Variants in TBX1 observed in about 807,000 individuals in gnomAD.
TBX1 encodes T-box transcription factor 1.
A neutral mutation model predicts 40.8 loss-of-function variants in TBX1; 16 were observed. The observed-to-expected ratio is 0.39, with a 90% CI of 0.27 to 0.60. The LOEUF (loss-of-function observed/expected upper bound fraction) is 0.60. Ranked by LOEUF, TBX1 falls within the 20% of genes least tolerant of loss-of-function variation. The pLI is 0.51. For missense variants in TBX1, 755 were observed against 728.5 expected (o/e 1.04, Z -0.42); for synonymous variants, 403 against 336.8 (o/e 1.20, Z -2.15).
downstream of TBX1, among the ~76,000 whole-genome samples, chr22:19,781,326 C>T (rs570232738): frequency 2.6e-5 from 4 of 152,230 alleles, 1 homozygote; most frequent in South Asian, 8.3e-4. Context: ...AAGTGATCCT[C>T]TTGCCTCAGC....
chr22:19,760,716 C>T (rs1443755576), upstream of TBX1, among the ~76,000 whole-genome samples: 1 of 126,206 alleles, frequency 7.9e-6, no homozygotes, highest in Non-Finnish European at 1.7e-5. Flanking sequence ...GGGGCGCCTC[C>T]TCGGGGCCGG....
intron 1 of TBX1, among the ~76,000 whole-genome samples, chr22:19,762,826 C>T (rs1351536876): frequency 6.6e-6 from 1 of 152,176 alleles, no homozygotes; most frequent in African/African-American, 2.4e-5. Context: ...CCCGGTTTCA[C>T]TTTGTTGGAG....
At position 19,766,456 on chromosome 22, in the gene TBX1, G is replaced by A. The variant is rs1251126284; in HGVS notation, c.1104G>A (p.Ala368=). The part of the protein sequence containing the change: ...AGGPAVLGDP[A]HPPQLLARVL... ...GGCCAGCAGTGCTCGGGGACCCGGC[G>A]CATCCTCCGCAGCTGCTGGCCCGGG... Residue 368 remains alanine (A), a synonymous_variant, in exon 7 of 7, where the codon GCG becomes GCA. Transcript: ENST00000649276. 7.5e-7 allele frequency: 1 copy of A among 1,329,252 alleles called. No homozygotes were observed. Among genetic ancestry groups the A allele is most frequent in the South Asian group, 1.8e-5 (1 of 56,378 alleles). 82.3% of individuals were successfully genotyped at this position (1,329,252 alleles called of 1,614,324 possible).
At position 19,762,949 on chromosome 22, in the gene TBX1, G is replaced by A. The variant is rs185249944; in HGVS notation, c.438-292G>A. Among the ~76,000 whole-genome samples, 6 of 152,316 alleles carry A rather than the reference G, an allele frequency of 3.9e-5. No homozygotes were observed. The East Asian group carries it at 5.8e-4, about 15-fold the overall frequency. ...CCAAAAAGTCAGCAAGGGCGAGGCC[G>A]AGTTTATGTAGGCCAAGGTTGCCGA... On this transcript the variant is annotated intron_variant, in intron 1 of 6. Transcript: ENST00000649276.
downstream of TBX1, among the ~76,000 whole-genome samples, chr22:19,767,575 C>G (rs370964514): frequency 6.6e-6 from 1 of 152,234 alleles, no homozygotes; most frequent in Non-Finnish European, 1.5e-5. Context: ...TGCACTCCCC[C>G]CACCTTCCCA....
downstream of TBX1, chr22:19,783,357 T>C (rs1271899414): frequency 2.7e-6 from 1 of 364,706 alleles, no homozygotes; most frequent in African/African-American, 2.1e-5. Flanking sequence ...ATGCAAGAGG[T>C]GGCAGGGGAC....
chr22:19,757,581 C>T (rs1033376686), upstream of TBX1, among the ~76,000 whole-genome samples: 1 of 152,220 alleles, frequency 6.6e-6, no homozygotes, highest in East Asian at 1.9e-4. Context: ...ATGCCCCCAC[C>T]GACTGGCCCA....
intron 8 of TBX1, among the ~76,000 whole-genome samples, chr22:19,778,973 G>A (rs1023676798): frequency 1.3e-5 from 2 of 152,138 alleles, no homozygotes; most frequent in African/African-American, 4.8e-5. Flanking sequence ...CTGATCCGAC[G>A]TCTTTCCTTG....
exon 9 of TBX1, chr22:19,779,511 A>T (rs2145852064): frequency 1.3e-6 from 2 of 1,564,118 alleles, no homozygotes; most frequent in Non-Finnish European, 1.7e-6. Context: ...TGTTCAGTAA[A>T]TTCCAATATG....
chr22:19,759,826 C>T (rs952991678), upstream of TBX1: 97 of 1,000,202 alleles, frequency 9.7e-5, no homozygotes, highest in Non-Finnish European at 1.0e-4. Flanking sequence ...AGAGGAAGAG[C>T]CGGCATCCCG....
In TBX1 at chr22:19,761,288, C is replaced by A; in HGVS notation, c.437+8C>A. ...CGTCACCAAGGCCGGCAGGTCAGGG[C>A]GCCCCTCCCCACGCCGCGACCCTCC... On this transcript the variant is annotated splice_region_variant and intron_variant, in intron 1 of 6. Transcript: ENST00000649276. 6.5e-7 allele frequency: 1 copy of A among 1,541,542 alleles called. No individual in the cohort carries two copies. Among genetic ancestry groups the A allele is most frequent in the South Asian group, 1.2e-5 (1 of 86,438 alleles).
At chr22:19,761,362 G>C in intron 1 of TBX1, 82 bp downstream of exon 1, 1 of 1,380,750 alleles carries the variant, frequency 7.2e-7, no homozygotes, top group Non-Finnish European at 9.5e-7. Context: ...CCGCGCGAGC[G>C]GGGCCGAAAG....
At chr22:19,772,070 C>T (rs894667685), downstream of TBX1, among the ~76,000 whole-genome samples, 1 of 152,228 alleles carries the variant, frequency 6.6e-6, no homozygotes, top group African/African-American at 2.4e-5. Context: ...CTCTTCATTC[C>T]TCTGTCATTC....
At position 19,766,879 on chromosome 22, in the gene TBX1, T is replaced by C. The variant is rs1936878827; in HGVS notation, c.*12T>C. ...ATTGCCCCAGATAACACGGGCCCTG[T>C]CGCGCTCCCGCCCCGGTCCTGCACA... On this transcript the variant is annotated 3_prime_UTR_variant, in exon 7 of 7. Coordinates refer to ENST00000649276, the MANE Select transcript of TBX1 (RefSeq NM_001379200.1). 1.3e-6 allele frequency: 2 copies of C among 1,582,354 alleles called. No homozygotes were observed. Among genetic ancestry groups the C allele is most frequent in the Non-Finnish European group, 1.7e-6 (2 of 1,172,228 alleles).
intron 8 of TBX1, among the ~76,000 whole-genome samples, chr22:19,777,363 A>G (rs1277801858): frequency 1.3e-5 from 2 of 152,176 alleles, no homozygotes; most frequent in Non-Finnish European, 2.9e-5. Context: ...TTCCAGTTTC[A>G]TCCATGTCCC....
chr22:19,771,493 G>A (rs938296419), downstream of TBX1, among the ~76,000 whole-genome samples: 1 of 152,200 alleles, frequency 6.6e-6, no homozygotes. Flanking sequence ...GTGGGGGAGA[G>A]GCTTAGCTTT....
chr22:19,764,148 G>A lies in TBX1; in HGVS notation c.540-7G>A, dbSNP rs372179395. 129 of 1,612,636 alleles carry A rather than the reference G, an allele frequency of 8.0e-5. 2 individuals carry two copies. The South Asian group carries it at 1.1e-3, about 14-fold the overall frequency. On this transcript the variant is annotated splice_region_variant and splice_polypyrimidine_tract_variant and intron_variant, in intron 2 of 6. Transcript: ENST00000649276. ...CACATGCACGACCCCACCCCGTGCC[G>A]CTCCAGGTACGCCTTCCACAGCTCC...
downstream of TBX1, among the ~76,000 whole-genome samples, chr22:19,768,017 G>A (rs1936918517): frequency 6.6e-6 from 1 of 152,170 alleles, no homozygotes; most frequent in Admixed American, 6.5e-5. Flanking sequence ...CAGGCCAGGT[G>A]GCTAAGGGAC....
At chr22:19,766,160 C>T (rs1451922226) in intron 6 of TBX1, 158 bp downstream of exon 6, 6 of 756,260 alleles carry the variant, frequency 7.9e-6, no homozygotes, top group Non-Finnish European at 6.5e-6. Context: ...CTCGCCCGCC[C>T]GGCCCGACGG....
Sources: gnomAD v4.1 joint callset for allele counts (sites outside exome capture counted in the v4.1 genomes callset) on GRCh38, gnomAD v4.1.1 for gene constraint, MANE v1.5 for transcripts, NCBI Gene and HGNC (gene_info 2026-07-23, HGNC 2026-07-21) for gene names.